SLC22A12: variants seen among roughly 807,000 people sequenced by gnomAD.
The protein encoded by SLC22A12 is organic anion transporter 4-like protein.
Under a neutral mutation model 52.7 loss-of-function variants are expected in SLC22A12, and 56 were observed. The ratio of observed to expected loss-of-function variants is 1.06; its 90% CI spans 0.86 to 1.33. SLC22A12 has a LOEUF of 1.33. SLC22A12 is among the 40% of genes most tolerant of loss of function. SLC22A12 has a pLI of 0.00. For synonymous variants in SLC22A12, 337 were observed against 324.6 expected, an observed-to-expected ratio of 1.04 and a Z score of -0.41; for missense variants, 683 against 741.5, an observed-to-expected ratio of 0.92 and a Z score of 0.92.
rs200030094 is a variant in SLC22A12, at chr11:64,595,922, AGATGGATG to A, written c.830+2158_830+2165del. On this transcript the variant is annotated intron_variant, in intron 4 of 9. Coordinates refer to ENST00000377574, the MANE Select transcript of SLC22A12 (RefSeq NM_144585.4). ...AGATGAATGGATAGATGGTTGGAAA[AGATGGATG>A]GATGGATGGATGGATGGATGGATGG... 7.7e-3 allele frequency among the ~76,000 whole-genome samples: 715 copies of A among 92,956 alleles called. 18 individuals are homozygous for A. The highest frequency in any genetic ancestry group is 0.022 in the African/African-American group (462 of 20,752). The allele number at this position is 92,956 out of a possible 152,430, so 61.0% of individuals were successfully genotyped here.
Position 64,600,394 on chromosome 11 carries a change from C to T in SLC22A12, c.1313C>T (p.Ala438Val), listed in dbSNP as rs941788195. Residue 438 changes from alanine to valine, a missense_variant, in exon 8 of 10, where the codon GCC (alanine) becomes GTC (valine). Coordinates refer to ENST00000377574, the MANE Select transcript of SLC22A12 (RefSeq NM_144585.4). ...HEMGALRSAL[A>V]VLGLGGVGAA... ...ATGGGGGCTCTGCGCTCAGCCTTGGCCGTGCTGGGGCTGGGCGGGGTGGGG... is the reference window on the plus strand; with the variant it reads ...ATGGGGGCTCTGCGCTCAGCCTTGGTCGTGCTGGGGCTGGGCGGGGTGGGG... 1 of 1,606,904 alleles carries T rather than the reference C, an allele frequency of 6.2e-7. No homozygotes were observed. The highest frequency in any genetic ancestry group is 8.5e-7 in the Non-Finnish European group (1 of 1,179,032).
At chr11:64,598,948 C>T (rs1290900579) in intron 6 of SLC22A12, 25 bp downstream of exon 6, 6 of 1,611,024 alleles carry the variant, frequency 3.7e-6, no homozygotes, top group Non-Finnish European at 5.1e-6. Flanking sequence ...CCCAACCCCA[C>T]CTCCACAGGG....
chr11:64,600,601 G>A (rs1036272951), intron 8 of SLC22A12, 126 bp downstream of exon 8: 94 of 1,413,912 alleles, frequency 6.6e-5, no homozygotes, highest in Admixed American at 3.4e-4. Flanking sequence ...TGTGGTCCCC[G>A]GGGCTGCTCA....
rs1053244981 is a variant in SLC22A12 at position 64,600,203 on chromosome 11, G to C, written c.1286-164G>C. 3.3e-5 allele frequency among the ~76,000 whole-genome samples: 5 copies of C among 152,206 alleles called. No homozygotes were observed. The East Asian group carries it at 9.6e-4, about 29-fold the overall frequency. Reference sequence around the variant, plus strand: ...GGTGTCTGAGCGTGGAGCAGATTGTGGGTGTGGCCATGAGGCCACTCAGGA... The same window carrying C: ...GGTGTCTGAGCGTGGAGCAGATTGTCGGTGTGGCCATGAGGCCACTCAGGA... On this transcript the variant is annotated intron_variant, in intron 7 of 9. Transcript: ENST00000377574.
rs746758204 is a variant in SLC22A12 at position 64,593,549 on chromosome 11, G to C, written c.651G>C (p.Thr217=). The C allele has an allele frequency of 5.0e-6, 8 of 1,614,032 alleles. No individual in the cohort carries two copies. The East Asian group carries it at 1.1e-4, about 22-fold the overall frequency. ...CCGTGGCAGGCGTCATGATGAACAC[G>C]GGCACTCTCCGTAGGTCTCTGACCT... The part of the protein sequence containing the change: ...AFAVAGVMMN[T]GTLLMEWTAA... Residue 217 remains threonine, a synonymous_variant, in exon 3 of 10, where the codon ACG becomes ACC. Coordinates refer to ENST00000377574, the MANE Select transcript of SLC22A12 (RefSeq NM_144585.4).
intron 4 of SLC22A12, among the ~76,000 whole-genome samples, chr11:64,594,685 ATG>A (rs1491535500): frequency 1.6e-5 from 2 of 128,916 alleles, no homozygotes; most frequent in Non-Finnish European, 3.4e-5. Flanking sequence ...GGATGGACGG[ATG>A]GATGGATGGA....
In SLC22A12 at chr11:64,592,865, C is replaced by A. The variant is rs780944605; in HGVS notation, c.489C>A (p.Cys163Ter). 1.2e-6 allele frequency: 2 copies of A among 1,613,632 alleles called. No individual in the cohort carries two copies. The highest frequency in any genetic ancestry group is 1.1e-5 in the South Asian group (1 of 91,078). Residue 163 changes from cysteine (C) to a stop codon, truncating the protein, a stop_gained, in exon 2 of 10, where the codon TGC (cysteine) becomes TGA (stop). Coordinates refer to ENST00000377574, the MANE Select transcript of SLC22A12 (RefSeq NM_144585.4). LOFTEE classifies it high-confidence loss of function. ...LAGILVGAAA[C>*]GPASDRFGRR... ...GGATTCTGGTGGGAGCTGCTGCGTG[C>A]GGCCCTGCCTCAGACAGGTGAGTAC...
At chr11:64,601,027 C>CA (rs1159143821) in intron 9 of SLC22A12, 89 bp downstream of exon 9, 4 of 1,526,120 alleles carry the variant, frequency 2.6e-6, no homozygotes, top group Admixed American at 3.4e-5. Context: ...CATCACTTGA[C>CA]AGAGGCGGAA....
intron 7 of SLC22A12, 37 bp downstream of exon 7, chr11:64,599,927 C>G: frequency 6.3e-7 from 1 of 1,596,644 alleles, no homozygotes; most frequent in Non-Finnish European, 8.5e-7. Context: ...GACTTCCCTA[C>G]CTTGGGGGGG....
chr11:64,595,310 G>GTTGA (rs2135452210), intron 4 of SLC22A12, among the ~76,000 whole-genome samples: 1 of 123,398 alleles, frequency 8.1e-6, no homozygotes. Flanking sequence ...TGGATGGATG[G>GTTGA]ATGGATGGAT....
Position 64,600,384 on chromosome 11 carries a change from T to A in SLC22A12, c.1303T>A (p.Ser435Thr). 6.2e-7 allele frequency: 1 copy of A among 1,606,384 alleles called. No homozygotes were observed. The highest frequency in any genetic ancestry group is 8.5e-7 in the Non-Finnish European group (1 of 1,178,842). ...ACCCACAGAAATGGGGGCTCTGCGCTCAGCCTTGGCCGTGCTGGGGCTGGG... is the reference window on the plus strand; with the variant it reads ...ACCCACAGAAATGGGGGCTCTGCGCACAGCCTTGGCCGTGCTGGGGCTGGG... ...LVPHEMGALRSALAVLGLGGV... is the reference protein window; with the variant it reads ...LVPHEMGALRTALAVLGLGGV... Residue 435 changes from serine (S) to threonine (T), a missense_variant, in exon 8 of 10, where the codon TCA (serine) becomes ACA (threonine). By Grantham distance (58) the Ser-to-Thr change is moderately conservative. Coordinates refer to ENST00000377574, the MANE Select transcript of SLC22A12 (RefSeq NM_144585.4).
chr11:64,594,060 T>G (rs2039008549), intron 4 of SLC22A12, among the ~76,000 whole-genome samples: 1 of 152,170 alleles, frequency 6.6e-6, no homozygotes, highest in Admixed American at 6.5e-5. Flanking sequence ...TCTCTTTTCC[T>G]CCCTCCTCCT....
intron 9 of SLC22A12, 127 bp downstream of exon 9, chr11:64,601,065 C>T (rs2039440204): frequency 8.0e-7 from 1 of 1,252,950 alleles, no homozygotes. Context: ...TAGGATTGGC[C>T]CAGAGTCACA....
rs72559738 is a variant in SLC22A12 at position 64,591,607 on chromosome 11, G to C, written c.51G>C (p.Gln17His). 8.7e-5 allele frequency: 141 copies of C among 1,613,208 alleles called. No individual in the cohort carries two copies. Among genetic ancestry groups the C allele is most frequent in the South Asian group, 3.1e-4 (28 of 91,082 alleles). The part of the protein sequence containing the change: ...LDLVGGLGRF[Q>H]VLQTMALMVS... ...TCGTGGGTGGCCTGGGCAGGTTCCA[G>C]GTTCTCCAGACGATGGCTCTGATGG... Residue 17 changes from glutamine (Q) to histidine (H), a missense_variant, in exon 1 of 10, where the codon CAG becomes CAC. Coordinates refer to ENST00000377574, the MANE Select transcript of SLC22A12 (RefSeq NM_144585.4).
intron 7 of SLC22A12, 148 bp downstream of exon 7, chr11:64,600,038 GT>G: frequency 1.0e-6 from 1 of 987,928 alleles, no homozygotes; most frequent in Non-Finnish European, 1.5e-6. Context: ...AGACGGCAGT[GT>G]CTGCACTGAG....
Position 64,600,353 on chromosome 11 carries a change from A to C in SLC22A12, c.1286-14A>C. On this transcript the variant is annotated splice_polypyrimidine_tract_variant and intron_variant, in intron 7 of 9. Coordinates refer to ENST00000377574, the MANE Select transcript of SLC22A12 (RefSeq NM_144585.4). The stretch of plus-strand genomic sequence containing the variant: ...GCCCCCCACCAAGCTCACTAATCCC[A>C]TCTCTACCCACAGAAATGGGGGCTC... The C allele has an allele frequency of 6.3e-7, 1 of 1,589,172 alleles. No individual in the cohort carries two copies. Among genetic ancestry groups the C allele is most frequent in the Non-Finnish European group, 8.6e-7 (1 of 1,169,400 alleles).
intron 2 of SLC22A12, 34 bp from the exon 3 acceptor site, chr11:64,593,371 C>T: frequency 6.2e-7 from 1 of 1,613,716 alleles, no homozygotes; most frequent in South Asian, 1.1e-5. Context: ...CGTGGCAAGC[C>T]ACAGACCCTG....
chr11:64,591,745 C>T lies in SLC22A12; in HGVS notation c.189C>T (p.Ile63=), dbSNP rs1306884906. 1 of 1,612,910 alleles carries T rather than the reference C, an allele frequency of 6.2e-7. No individual in the cohort carries two copies. The highest frequency in any genetic ancestry group is 8.5e-7 in the Non-Finnish European group (1 of 1,180,002). Residue 63 remains isoleucine, a synonymous_variant, in exon 1 of 10, where the codon ATC becomes ATT. Transcript: ENST00000377574. ...LLDNSTAQAS[I]LGSLSPEALL... ...ACAACAGCACGGCTCAGGCCAGCAT[C>T]CTAGGGAGCTTGAGTCCTGAGGCCC...
At position 64,591,933 on chromosome 11, in the gene SLC22A12, T is replaced by G; in HGVS notation, c.377T>G (p.Ile126Ser). The G allele has an allele frequency of 6.2e-7, 1 of 1,611,956 alleles. No homozygotes were observed. The highest frequency in any genetic ancestry group is 1.7e-5 in the Admixed American group (1 of 60,016). The change falls in exon 1 of 10, where the codon ATC becomes AGC. Residue 126 changes from isoleucine (I) to serine (S), a missense_variant. Coordinates refer to ENST00000377574, the MANE Select transcript of SLC22A12 (RefSeq NM_144585.4). ...GATGGCTGGGTCTATGACCGCAGCA[T>G]CTTCACCTCCACAATCGTGGCCAAG... ...CVDGWVYDRSIFTSTIVAKWN... is the reference protein window; with the variant it reads ...CVDGWVYDRSSFTSTIVAKWN...
Sources: allele counts gnomAD v4.1 joint callset (sites outside exome capture counted in the v4.1 genomes callset), GRCh38; gene constraint gnomAD v4.1.1; transcripts MANE v1.5; gene names NCBI Gene and HGNC (gene_info 2026-07-23, HGNC 2026-07-21).